VARS2: variants seen among roughly 807,000 people sequenced by gnomAD.
The protein encoded by VARS2 is valyl-tRNA synthetase 2, mitochondrial.
In VARS2, 105 loss-of-function variants were observed where a neutral mutation model predicts 154.1. That is an observed-to-expected ratio of 0.68 (90% CI 0.58 to 0.80). The LOEUF (loss-of-function observed/expected upper bound fraction) is 0.80, where lower values mean the gene tolerates loss of function less well. VARS2 is among the 30% of genes least tolerant of loss of function. The pLI is 0.00. For synonymous variants in VARS2, 483 were observed against 539.5 expected, an observed-to-expected ratio of 0.90 and a Z score of 1.45; for missense variants, 1,157 against 1,361.4, an observed-to-expected ratio of 0.85 and a Z score of 2.36.
rs751528303 is a variant in VARS2 at position 30,923,365 on chromosome 6, T to C, written c.2326T>C (p.Ser776Pro). 6 of 1,610,560 alleles carry C rather than the reference T, an allele frequency of 3.7e-6. No individual in the cohort carries two copies. Among genetic ancestry groups the C allele is most frequent in the Non-Finnish European group, 5.1e-6 (6 of 1,178,580 alleles). ...CCTCTGCCTGCAGCTGTCTCCCTCCTCCCCGATGGATGCCTGGATCCTGAG... is the reference window on the plus strand; with the variant it reads ...CCTCTGCCTGCAGCTGTCTCCCTCCCCCCCGATGGATGCCTGGATCCTGAG... Reference protein sequence around the residue: ...PQPAEELSPSSPMDAWILSRL... With the variant: ...PQPAEELSPSPPMDAWILSRL... Residue 776 changes from serine to proline, a missense_variant, in exon 25 of 30, where the codon TCC (serine) becomes CCC (proline). Coordinates refer to ENST00000676266, the MANE Select transcript of VARS2 (RefSeq NM_020442.6).
chr6:30,921,014 G>A lies in VARS2; in HGVS notation c.1480-51G>A. ...GAGGCCACTCGTCCTATCTGTGGAG[G>A]TGCGGCCGTGCAGGAAGGGCAACAT... On this transcript the variant is annotated intron_variant, in intron 15 of 29. Coordinates refer to ENST00000676266, the MANE Select transcript of VARS2 (RefSeq NM_020442.6). This position sits in a 1 kb window ranked among gnomAD's most constrained non-coding sequence, Gnocchi z 4.6. The A allele has an allele frequency of 6.4e-7, 1 of 1,551,126 alleles. No homozygotes were observed. Among genetic ancestry groups the A allele is most frequent in the Admixed American group, 1.8e-5 (1 of 54,436 alleles).
chr6:30,918,982 A>G (rs1467619000), intron 11 of VARS2, 67 bp downstream of exon 11: 4 of 1,433,872 alleles, frequency 2.8e-6, no homozygotes, highest in Non-Finnish European at 3.9e-6. Context: ...CTTGGGTTTT[A>G]AATGGTGGCT....
rs745987358 is a variant in VARS2, at chr6:30,924,497, C to A, written c.2610C>A (p.Pro870=). The A allele has an allele frequency of 8.7e-6, 14 of 1,604,240 alleles. No individual in the cohort carries two copies. The highest frequency in any genetic ancestry group is 4.5e-5 in the East Asian group (2 of 44,838). Reference sequence around the variant, plus strand: ...AAGAGCTCTGGCAGAGGCTGCCCCCCAGGCCTGGTTGCCCCCCTGCCCCCA... The same window carrying A: ...AAGAGCTCTGGCAGAGGCTGCCCCCAAGGCCTGGTTGCCCCCCTGCCCCCA... ...LAEELWQRLP[P]RPGCPPAPSI... is the part of the protein sequence containing the mutation. The change falls in exon 26 of 30, where the codon CCC becomes CCA. Residue 870 remains proline (P), a synonymous_variant. Transcript: ENST00000676266.
In VARS2 at chr6:30,916,524, T is replaced by C. The variant is rs1407639632; in HGVS notation, c.671+275T>C. 8.8e-6 allele frequency: 3 copies of C among 340,626 alleles called. No homozygotes were observed. Among genetic ancestry groups the C allele is most frequent in the African/African-American group, 6.3e-5 (3 of 47,666 alleles). 21.1% of individuals were successfully genotyped at this position (340,626 alleles called of 1,614,324 possible). ...TTCTTTCTCTTTACTTACCCCAATT[T>C]CTCTTGTCTAAATCTCACCTTCTTC... On this transcript the variant is annotated intron_variant, in intron 7 of 29. Coordinates refer to ENST00000676266, the MANE Select transcript of VARS2 (RefSeq NM_020442.6). The surrounding 1 kb of genome is among the most constrained non-coding windows in gnomAD (Gnocchi z 4.0).
In VARS2 at chr6:30,921,366, A is replaced by G. The variant is rs1035126850; in HGVS notation, c.1632+61A>G. 13 of 1,597,754 alleles carry G rather than the reference A, an allele frequency of 8.1e-6. No individual in the cohort carries two copies. In the African/African-American group the frequency reaches 1.2e-4, roughly 15 times the overall value. ...GCACAGAGCACCTAGCCCAGGAGTCAGAGCTCCGCAGGGCCAAGTCCCGCT... is the reference window on the plus strand; with the variant it reads ...GCACAGAGCACCTAGCCCAGGAGTCGGAGCTCCGCAGGGCCAAGTCCCGCT... On this transcript the variant is annotated intron_variant, in intron 17 of 29. Coordinates refer to ENST00000676266, the MANE Select transcript of VARS2 (RefSeq NM_020442.6). This position sits in a 1 kb window ranked among gnomAD's most constrained non-coding sequence, Gnocchi z 4.6.
chr6:30,918,128 G>A (rs1273311552), intron 10 of VARS2, among the ~76,000 whole-genome samples: 1 of 152,214 alleles, frequency 6.6e-6, no homozygotes, highest in Non-Finnish European at 1.5e-5. Context: ...CAGTGCAATG[G>A]CACGATCTCG....
In VARS2 at chr6:30,917,790, C is replaced by T. The variant is rs148701242; in HGVS notation, c.969C>T (p.Pro323=). 3.3e-4 allele frequency: 514 copies of T among 1,557,462 alleles called. No homozygotes were observed. In the African/African-American group the frequency reaches 6.1e-3, roughly 18 times the overall value. Residue 323 remains proline (P), a synonymous_variant, in exon 10 of 30, where the codon CCC becomes CCT. Transcript: ENST00000676266. This position sits in a 1 kb window ranked among gnomAD's most constrained non-coding sequence, Gnocchi z 4.4. ...SFGLLFSVAF[P]VDGEPDAEVV... Reference sequence around the variant, plus strand: ...GCCTCCTATTTTCTGTTGCCTTCCCCGTGGATGGAGAGCCTGGTGAGCATA... The same window carrying T: ...GCCTCCTATTTTCTGTTGCCTTCCCTGTGGATGGAGAGCCTGGTGAGCATA...
chr6:30,920,429 A>T lies in VARS2; in HGVS notation c.1390A>T (p.Ile464Phe), dbSNP rs1794436821. Reference protein sequence around the residue: ...GLQNHPMVLPICSRSGDVIEY... With the variant: ...GLQNHPMVLPFCSRSGDVIEY... Reference sequence around the variant, plus strand: ...CCAGAACCACCCCATGGTACTGCCCATCTGCAGGTAACCTCATTTTAACTC... The same window carrying T: ...CCAGAACCACCCCATGGTACTGCCCTTCTGCAGGTAACCTCATTTTAACTC... Residue 464 changes from isoleucine to phenylalanine, a missense_variant, in exon 14 of 30, where the codon ATC (isoleucine) becomes TTC (phenylalanine). Ile to Phe is a conservative substitution (Grantham distance 21). Transcript: ENST00000676266. The surrounding 1 kb of genome is among the most constrained non-coding windows in gnomAD (Gnocchi z 4.6). 1 of 1,605,680 alleles carries T rather than the reference A, an allele frequency of 6.2e-7. No homozygotes were observed. The highest frequency in any genetic ancestry group is 8.5e-7 in the Non-Finnish European group (1 of 1,177,086).
chr6:30,918,065 TG>T (rs1463617247), intron 10 of VARS2, among the ~76,000 whole-genome samples: 1 of 80,326 alleles, frequency 1.2e-5, no homozygotes, highest in East Asian at 3.5e-4. Context: ...TGTTTTGTTT[TG>T]TTTGTTTGTT....
In VARS2 at chr6:30,919,121, T is replaced by C. The variant is rs570908499; in HGVS notation, c.1074+206T>C. 9.2e-6 allele frequency: 5 copies of C among 541,400 alleles called. No homozygotes were observed. The highest frequency in any genetic ancestry group is 5.6e-5 in the African/African-American group (3 of 53,208). The allele number at this position is 541,400 out of a possible 1,614,324, so 33.5% of individuals were successfully genotyped here. On this transcript the variant is annotated intron_variant, in intron 11 of 29. Coordinates refer to ENST00000676266, the MANE Select transcript of VARS2 (RefSeq NM_020442.6). This position sits in a 1 kb window ranked among gnomAD's most constrained non-coding sequence, Gnocchi z 4.5. ...ACTGGCCCATGGTCCTAATCCAGCT[T>C]GCGGCCTTTTTTTTTGAGACAGAGT...
At chr6:30,922,360 C>T (rs1377127245) in intron 20 of VARS2, 90 bp from the exon 21 acceptor site, 1 of 1,603,806 alleles carries the variant, frequency 6.2e-7, no homozygotes, top group Admixed American at 1.7e-5. Context: ...TCCTAATTCA[C>T]TTCCTACCCT....
chr6:30,919,014 C>T lies in VARS2; in HGVS notation c.1074+99C>T, dbSNP rs1794345816. The T allele has an allele frequency of 3.5e-6, 4 of 1,130,550 alleles. No individual in the cohort carries two copies. The highest frequency in any genetic ancestry group is 3.8e-5 in the Admixed American group (2 of 52,684). 70.0% of individuals were successfully genotyped at this position (1,130,550 alleles called of 1,614,324 possible). ...GGCTCTTTCTCTCTTGCTTCTACTT[C>T]CTTTTCCTGAGACTTCTCTCAGTGG... is the stretch of plus-strand genomic sequence containing the variant. On this transcript the variant is annotated intron_variant, in intron 11 of 29. Coordinates refer to ENST00000676266, the MANE Select transcript of VARS2 (RefSeq NM_020442.6). This position sits in a 1 kb window ranked among gnomAD's most constrained non-coding sequence, Gnocchi z 4.5.
Position 30,921,855 on chromosome 6 carries a change from G to A in VARS2, c.1736-70G>A, listed in dbSNP as rs1794534013. The A allele has an allele frequency of 6.3e-7, 1 of 1,598,438 alleles. No individual in the cohort carries two copies. The highest frequency in any genetic ancestry group is 8.6e-7 in the Non-Finnish European group (1 of 1,167,856). ...CTGGGGGTGGGGGTTGGCCTAGAAT[G>A]GTGGCAGCAGTGGTCTGAGGTCCTA... On this transcript the variant is annotated intron_variant, in intron 18 of 29. Coordinates refer to ENST00000676266, the MANE Select transcript of VARS2 (RefSeq NM_020442.6). The surrounding 1 kb of genome is among the most constrained non-coding windows in gnomAD (Gnocchi z 4.6).
At chr6:30,925,742 G>T in intron 28 of VARS2, 23 bp downstream of exon 28, 1 of 1,610,952 alleles carries the variant, frequency 6.2e-7, no homozygotes, top group Non-Finnish European at 8.5e-7. Context: ...GATGGGGAGG[G>T]TTAGGGCAGG....
Position 30,923,149 on chromosome 6 carries a change from A to T in VARS2, c.2231A>T (p.His744Leu). The T allele has an allele frequency of 1.2e-6, 2 of 1,613,096 alleles. No homozygotes were observed. Among genetic ancestry groups the T allele is most frequent in the Non-Finnish European group, 1.7e-6 (2 of 1,180,022 alleles). ...GTCTCTGAGGTCCAGAGCTGCCGAC[A>T]TTTCTGCAACAAGATCTGGAATGCT... ...LSVSEVQSCR[H>L]FCNKIWNALR... is the part of the protein sequence containing the mutation. The change falls in exon 24 of 30, where the codon CAT becomes CTT. Residue 744 changes from histidine to leucine, a missense_variant. By Grantham distance (99) the His-to-Leu change is moderately conservative. Coordinates refer to ENST00000676266, the MANE Select transcript of VARS2 (RefSeq NM_020442.6).
rs370305508 is a variant in VARS2, at chr6:30,920,864, G to A, written c.1479+115G>A. ...TGCCCTGAAGACCTCTCCAGCTGTG[G>A]TAACTGAGAGGATGTGTGGGATGGA... is the stretch of plus-strand genomic sequence containing the variant. On this transcript the variant is annotated intron_variant, in intron 15 of 29. Transcript: ENST00000676266. This position sits in a 1 kb window ranked among gnomAD's most constrained non-coding sequence, Gnocchi z 4.6. 9.1e-7 allele frequency: 1 copy of A among 1,101,198 alleles called. No individual in the cohort carries two copies. The highest frequency in any genetic ancestry group is 1.3e-6 in the Non-Finnish European group (1 of 781,404). The allele number at this position is 1,101,198 out of a possible 1,614,324, so 68.2% of individuals were successfully genotyped here. A position where few individuals can be genotyped will look rare whatever the true frequency, so the allele number is the denominator to read the frequency against.
Position 30,915,169 on chromosome 6 carries a change from C to T in VARS2, c.215C>T (p.Ser72Phe). Residue 72 changes from serine to phenylalanine, a missense_variant, in exon 3 of 30, where the codon TCC becomes TTC. Physicochemically the swap from Ser to Phe is radical, Grantham distance 155 (BLOSUM62 -2). Transcript: ENST00000676266. ...IAGESKSPAE[S>F]IKAWRPKELV... ...TTCTCTTCTCAGTCACCTGCAGAAT[C>T]CATTAAGGCCTGGAGGCCTAAGGAG... The T allele has an allele frequency of 3.1e-6, 5 of 1,614,186 alleles. No individual in the cohort carries two copies. In the South Asian group the frequency reaches 4.4e-5, roughly 14 times the overall value.
Position 30,922,705 on chromosome 6 carries a change from G to A in VARS2, c.2038-1G>A, listed in dbSNP as rs769768815. Reference sequence around the variant, plus strand: ...CGTGAATTGCCCCCTTCCATCCCCAGGTGCTGCAGGAAAAGCTGAGAAGCG... The same window carrying A: ...CGTGAATTGCCCCCTTCCATCCCCAAGTGCTGCAGGAAAAGCTGAGAAGCG... On this transcript the variant is annotated splice_acceptor_variant, in intron 21 of 29. Coordinates refer to ENST00000676266, the MANE Select transcript of VARS2 (RefSeq NM_020442.6). LOFTEE classifies it high-confidence loss of function. 6.2e-5 allele frequency: 100 copies of A among 1,612,154 alleles called. No individual in the cohort carries two copies. The highest frequency in any genetic ancestry group is 2.1e-5 in the Non-Finnish European group (25 of 1,179,616).
At chr6:30,925,501 G>A in intron 27 of VARS2, 43 bp from the exon 28 acceptor site, 4 of 1,556,880 alleles carry the variant, frequency 2.6e-6, no homozygotes, top group Non-Finnish European at 3.5e-6. Flanking sequence ...AGGAAGGGAG[G>A]CAGGAGCTGA....
Sources: gnomAD v4.1 joint callset for allele counts (sites outside exome capture counted in the v4.1 genomes callset) on GRCh38, gnomAD v4.1.1 for gene constraint, Gnocchi (gnomAD v3.1) non-coding constraint, MANE v1.5 for transcripts, NCBI Gene and HGNC (gene_info 2026-07-23, HGNC 2026-07-21) for gene names.